The following LRRN2 variants were observed in gnomAD, a reference collection of about 807,000 sequenced individuals.
LRRN2 encodes the protein leucine-rich repeat neuronal protein 2.
A neutral mutation model predicts 35.7 loss-of-function variants in LRRN2; 10 were observed. The ratio of observed to expected loss-of-function variants is 0.28; its 90% confidence interval spans 0.17 to 0.47. The LOEUF is 0.47. LRRN2 is among the 20% of genes least tolerant of loss of function. The pLI, the probability that LRRN2 is intolerant of heterozygous loss-of-function variation, is 0.99. For synonymous variants in LRRN2, 391 were observed against 409.6 expected, an observed-to-expected ratio of 0.95 and a Z score of 0.55; for missense variants, 731 against 940.3, an observed-to-expected ratio of 0.78 and a Z score of 2.91.
Position 204,619,210 on chromosome 1 carries a change from G to T in LRRN2, c.783C>A (p.Pro261=), listed in dbSNP as rs771049322. 2 of 1,613,918 alleles carry T rather than the reference G, an allele frequency of 1.2e-6. No individual in the cohort carries two copies. Among genetic ancestry groups the T allele is most frequent in the African/African-American group, 1.3e-5 (1 of 74,922 alleles). ...RVPRRALEQV[P]GLKFLDLNKN... The stretch of plus-strand genomic sequence containing the variant: ...TGTTGAGGTCTAGGAACTTGAGCCC[G>T]GGCACCTGTTCCAGTGCCCGCCTGG... Residue 261 remains proline (P), a synonymous_variant, in exon 2 of 2, where the codon CCC becomes CCA. Transcript: ENST00000367177.
chr1:204,670,549 G>C (rs373256269), intron 1 of LRRN2, among the ~76,000 whole-genome samples: 1 of 152,088 alleles, frequency 6.6e-6, no homozygotes, highest in Non-Finnish European at 1.5e-5. Context: ...GAAGCCGTTC[G>C]TGTGGCTGAG....
chr1:204,631,301 T>TATATATATATGA (rs1667697561), intron 1 of LRRN2, among the ~76,000 whole-genome samples: 1 of 112,654 alleles, frequency 8.9e-6, no homozygotes, highest in Non-Finnish European at 1.8e-5. Context: ...TATATATATA[T>TATATATATATGA]ATGAAGAGCT....
At chr1:204,651,265 T>G (rs1435853512) in intron 1 of LRRN2, among the ~76,000 whole-genome samples, 1 of 151,924 alleles carries the variant, frequency 6.6e-6, no homozygotes, top group African/African-American at 2.4e-5. Flanking sequence ...TCTCCTAGAG[T>G]CTTCAGATAG....
intron 1 of LRRN2, among the ~76,000 whole-genome samples, chr1:204,632,046 C>A (rs1023145532): frequency 2.6e-5 from 4 of 152,036 alleles, no homozygotes; most frequent in Non-Finnish European, 5.9e-5. Context: ...CACAGTGAAA[C>A]CCTGTCTCTA....
At position 204,620,007 on chromosome 1, in the gene LRRN2, G is replaced by A. The variant is rs1406350094; in HGVS notation, c.-15C>T. On this transcript the variant is annotated 5_prime_UTR_variant, in exon 2 of 2. Transcript: ENST00000367177. Reference sequence around the variant, plus strand: ...AGAAGCCTCATGGTGGAGCTGCAGGGCAGGGGACCATTCACAAGAAGAGTC... The same window carrying A: ...AGAAGCCTCATGGTGGAGCTGCAGGACAGGGGACCATTCACAAGAAGAGTC... The A allele has an allele frequency of 6.3e-7, 1 of 1,597,592 alleles. No homozygotes were observed. The highest frequency in any genetic ancestry group is 8.5e-7 in the Non-Finnish European group (1 of 1,173,108).
rs149974757 is a variant in LRRN2, at chr1:204,639,855, G to A, written c.-226-19637C>T. On this transcript the variant is annotated intron_variant, in intron 1 of 1. Coordinates refer to ENST00000367177, the MANE Select transcript of LRRN2 (RefSeq NM_201630.2). Reference sequence around the variant, plus strand: ...AAAAGAAGTTAAGCCTCCTGCCCAAGATCATACAGCTGGTAAGAAGCAAGA... The same window carrying A: ...AAAAGAAGTTAAGCCTCCTGCCCAAAATCATACAGCTGGTAAGAAGCAAGA... Among the ~76,000 whole-genome samples the A allele has an allele frequency of 7.4e-3, 1,130 of 152,150 alleles. 10 individuals are homozygous for A. Among genetic ancestry groups the A allele is most frequent in the Non-Finnish European group, 0.011 (770 of 67,998 alleles).
intron 1 of LRRN2, chr1:204,627,194 T>C (rs1667449676): frequency 6.6e-6 from 1 of 152,164 alleles, no homozygotes; most frequent in African/African-American, 2.4e-5. Flanking sequence ...ACTTTTCAGA[T>C]GAGAAACGTA....
At chr1:204,634,528 G>A (rs1397686205) in intron 1 of LRRN2, among the ~76,000 whole-genome samples, 1 of 152,102 alleles carries the variant, frequency 6.6e-6, no homozygotes, top group Non-Finnish European at 1.5e-5. Flanking sequence ...AATTCAATAT[G>A]ACTGGTATCC....
At chr1:204,641,577 C>T (rs1207293863) in intron 1 of LRRN2, among the ~76,000 whole-genome samples, 1 of 152,200 alleles carries the variant, frequency 6.6e-6, no homozygotes, top group African/African-American at 2.4e-5. Context: ...TTTTAATCCA[C>T]ACAACAACCC....
At chr1:204,656,878 C>G (rs948313963) in intron 1 of LRRN2, among the ~76,000 whole-genome samples, 7 of 152,186 alleles carry the variant, frequency 4.6e-5, no homozygotes, top group Non-Finnish European at 8.8e-5. Context: ...CTAATGGATC[C>G]TCGCCATCTG....
intron 1 of LRRN2, among the ~76,000 whole-genome samples, chr1:204,663,453 A>T (rs1021422441): frequency 1.3e-5 from 2 of 152,162 alleles, no homozygotes; most frequent in African/African-American, 4.8e-5. Flanking sequence ...CCAAGTCTTC[A>T]AATAGTGGCA....
chr1:204,625,962 T>C (rs1024090038), intron 1 of LRRN2, among the ~76,000 whole-genome samples: 4 of 152,334 alleles, frequency 2.6e-5, no homozygotes, highest in African/African-American at 9.6e-5. Flanking sequence ...CCATGCTGCC[T>C]TGAGGGAGGA....
intron 1 of LRRN2, among the ~76,000 whole-genome samples, chr1:204,667,046 A>T (rs1215473974): frequency 6.6e-6 from 1 of 151,996 alleles, no homozygotes; most frequent in Admixed American, 6.6e-5. Context: ...GTGAAACAAC[A>T]TAATTATAGA....
intron 1 of LRRN2, among the ~76,000 whole-genome samples, chr1:204,644,409 C>T (rs538268799): frequency 6.6e-6 from 1 of 152,282 alleles, no homozygotes; most frequent in Non-Finnish European, 1.5e-5. Context: ...GGCCTAGCAG[C>T]TCCCCCGACA....
At chr1:204,666,830 C>T (rs1277145985) in intron 1 of LRRN2, among the ~76,000 whole-genome samples, 1 of 151,864 alleles carries the variant, frequency 6.6e-6, no homozygotes, top group African/African-American at 2.4e-5. Flanking sequence ...GGCGTGGTGG[C>T]CCACACCTGT....
chr1:204,652,261 C>CCCCCCCG, intron 1 of LRRN2, among the ~76,000 whole-genome samples: 1 of 15,244 alleles, frequency 6.6e-5, no homozygotes, highest in Non-Finnish European at 1.5e-4. Context: ...CTCTTCACCG[C>CCCCCCCG]CCCCCCCCCG....
chr1:204,630,275 T>G, intron 1 of LRRN2, among the ~76,000 whole-genome samples: 2 of 119,888 alleles, frequency 1.7e-5, no homozygotes, highest in East Asian at 2.4e-4. Flanking sequence ...CAAGTGTCAG[T>G]GGTACTGAGG....
chr1:204,631,259 T>TCTAAC (rs202184561), intron 1 of LRRN2, among the ~76,000 whole-genome samples: 1 of 28,182 alleles, frequency 3.5e-5, no homozygotes, highest in Non-Finnish European at 6.3e-5. Context: ...GAGTGTTCTA[T>TCTAAC]ATATATATAT....
At chr1:204,677,590 G>A (rs1236498208) in intron 1 of LRRN2, among the ~76,000 whole-genome samples, 2 of 152,218 alleles carry the variant, frequency 1.3e-5, no homozygotes, top group Non-Finnish European at 2.9e-5. Context: ...AAGGAAGGGA[G>A]AAGAGAAGCT....
Sources: gnomAD v4.1 joint callset for allele counts (sites outside exome capture counted in the v4.1 genomes callset) on GRCh38, gnomAD v4.1.1 for gene constraint, MANE v1.5 for transcripts, NCBI Gene and HGNC (gene_info 2026-07-23, HGNC 2026-07-21) for gene names.